SLC4A2: variants seen among roughly 807,000 people sequenced by gnomAD.
SLC4A2 encodes solute carrier family 4 member 2.
Under a neutral mutation model 115.0 loss-of-function variants are expected in SLC4A2, and 36 were observed. That is an observed-to-expected ratio of 0.31 (90% CI 0.24 to 0.41). The LOEUF (loss-of-function observed/expected upper bound fraction) is 0.41, where lower values mean the gene tolerates loss of function less well. Among genes scored for constraint, SLC4A2 ranks in the 10% least tolerant of loss-of-function variants. The probability of loss-of-function intolerance (pLI) is 1.00; values close to 1 mark genes in which losing one functional copy is unlikely to be tolerated. For missense variants in SLC4A2, 1,252 were observed against 1,705.6 expected (o/e 0.73, Z 4.68); for synonymous variants, 708 against 708.3 (o/e 1.00, Z 0.01).
chr7:151,069,895 C>A (rs1420001715), intron 8 of SLC4A2, 52 bp from the exon 9 acceptor site: 2 of 1,610,908 alleles, frequency 1.2e-6, no homozygotes, highest in African/African-American at 1.3e-5. Flanking sequence ...CCATCTCCTG[C>A]CACTGTTTTG....
In SLC4A2 at chr7:151,059,913, G is replaced by A. The variant is rs1250294098; in HGVS notation, c.-64+151G>A. 6.6e-6 allele frequency among the ~76,000 whole-genome samples: 1 copy of A among 152,118 alleles called. No homozygotes were observed. Among genetic ancestry groups the A allele is most frequent in the Non-Finnish European group, 1.5e-5 (1 of 67,994 alleles). On this transcript the variant is annotated intron_variant, in intron 1 of 22. Transcript: ENST00000413384. This position sits in a 1 kb window ranked among gnomAD's most constrained non-coding sequence, Gnocchi z 5.8. Reference sequence around the variant, plus strand: ...GGGCGCGGGGAACCGCGGTCTTGGGGAGAAGGATGGGGAGGCGGATGGAGT... The same window carrying A: ...GGGCGCGGGGAACCGCGGTCTTGGGAAGAAGGATGGGGAGGCGGATGGAGT...
intron 5 of SLC4A2, among the ~76,000 whole-genome samples, chr7:151,065,762 C>G (rs1040043974): frequency 6.6e-6 from 1 of 152,234 alleles, no homozygotes; most frequent in Admixed American, 6.5e-5. Context: ...TCCGAGAAAG[C>G]CTGGCATCAG....
chr7:151,073,986 G>A, intron 16 of SLC4A2, 53 bp from the exon 17 acceptor site: 1 of 1,513,850 alleles, frequency 6.6e-7, no homozygotes, highest in Non-Finnish European at 8.8e-7. Context: ...CTGAGCCCCA[G>A]GAATCTTTTC....
chr7:151,074,222 C>G lies in SLC4A2; in HGVS notation c.2719C>G (p.Leu907Val), dbSNP rs751635753. ...CAACACGGCCCTGCTGTCGCTGGTG[C>G]TCATGGCCGGCACCTTCTTCATCGC... ...QPNTALLSLV[L>V]MAGTFFIAFF... The change falls in exon 17 of 23, where the codon CTC (leucine) becomes GTC (valine). Residue 907 changes from leucine to valine, a missense_variant. Transcript: ENST00000413384. 1 of 1,612,954 alleles carries G rather than the reference C, an allele frequency of 6.2e-7. No homozygotes were observed. Among genetic ancestry groups the G allele is most frequent in the Non-Finnish European group, 8.5e-7 (1 of 1,179,956 alleles).
In SLC4A2 at chr7:151,071,106, G is replaced by A. The variant is rs761077150; in HGVS notation, c.1784G>A (p.Arg595Gln). 6.2e-6 allele frequency: 10 copies of A among 1,612,562 alleles called. No individual in the cohort carries two copies. Among genetic ancestry groups the A allele is most frequent in the East Asian group, 2.2e-5 (1 of 44,900 alleles). ...FHEAAYLADE[R>Q]EDLLTAINAF... Reference sequence around the variant, plus strand: ...GAGGCAGCCTACCTGGCTGACGAGCGGGAGGACCTGCTGACGGCCATCAAC... The same window carrying A: ...GAGGCAGCCTACCTGGCTGACGAGCAGGAGGACCTGCTGACGGCCATCAAC... Residue 595 changes from arginine (R) to glutamine (Q), a missense_variant, in exon 13 of 23, where the codon CGG becomes CAG. Transcript: ENST00000413384. The surrounding 1 kb of genome is among the most constrained non-coding windows in gnomAD (Gnocchi z 5.5).
chr7:151,062,682 CCT>C, intron 2 of SLC4A2: 1 of 1,502,656 alleles, frequency 6.7e-7, no homozygotes, highest in Non-Finnish European at 8.9e-7. Context: ...GGTCTGCGAC[CCT>C]CTCTCCCCAT....
At chr7:151,063,730 T>C (rs1239397801) in intron 2 of SLC4A2, among the ~76,000 whole-genome samples, 1 of 151,988 alleles carries the variant, frequency 6.6e-6, no homozygotes, top group Non-Finnish European at 1.5e-5. Flanking sequence ...TGTTTCCTTT[T>C]TTTTTGTTTT....
At position 151,069,935 on chromosome 7, in the gene SLC4A2, A is replaced by G. The variant is rs754594808; in HGVS notation, c.1148-12A>G. On this transcript the variant is annotated splice_polypyrimidine_tract_variant and intron_variant, in intron 8 of 22. Coordinates refer to ENST00000413384, the MANE Select transcript of SLC4A2 (RefSeq NM_003040.4). ...CTGGGGCTGAGGGGCCCTCTGTGCC[A>G]TCTTATGCTAGGGGCTGTGCTCTTG... 1.9e-6 allele frequency: 3 copies of G among 1,613,608 alleles called. No individual in the cohort carries two copies. The highest frequency in any genetic ancestry group is 2.5e-6 in the Non-Finnish European group (3 of 1,179,978).
intron 2 of SLC4A2, among the ~76,000 whole-genome samples, chr7:151,062,340 G>C (rs1161464240): frequency 6.6e-6 from 1 of 152,204 alleles, no homozygotes; most frequent in Non-Finnish European, 1.5e-5. Flanking sequence ...ACCCGTCTCA[G>C]ACCCGGCTGG....
At chr7:151,069,588 T>C (rs1797358418) in intron 8 of SLC4A2, among the ~76,000 whole-genome samples, 1 of 152,168 alleles carries the variant, frequency 6.6e-6, no homozygotes, top group Admixed American at 6.5e-5. Context: ...GAGAGTTTTC[T>C]AACAGCCAAG....
At position 151,076,412 on chromosome 7, in the gene SLC4A2, G is replaced by A; in HGVS notation, c.*45G>A. On this transcript the variant is annotated 3_prime_UTR_variant, in exon 23 of 23. Coordinates refer to ENST00000413384, the MANE Select transcript of SLC4A2 (RefSeq NM_003040.4). ...GAGGGACCGATGGACGAGGGGACAG[G>A]CTGGTGGGATGGGGTTCCCCCTCCC... The A allele has an allele frequency of 1.4e-6, 2 of 1,421,254 alleles. No homozygotes were observed. The highest frequency in any genetic ancestry group is 1.9e-6 in the Non-Finnish European group (2 of 1,074,554). 88.0% of individuals were successfully genotyped at this position (1,421,254 alleles called of 1,614,324 possible).
In SLC4A2 at chr7:151,066,739, G is replaced by A. The variant is rs572536008; in HGVS notation, c.801G>A (p.Thr267=). The A allele has an allele frequency of 1.8e-4, 282 of 1,560,248 alleles. 2 individuals carry two copies. The South Asian group carries it at 2.3e-3, about 13-fold the overall frequency. Residue 267 remains threonine, a synonymous_variant, in exon 6 of 23, where the codon ACG becomes ACA. Coordinates refer to ENST00000413384, the MANE Select transcript of SLC4A2 (RefSeq NM_003040.4). ...AGATTGAGGCCCAGACGCTGGCCAC[G>A]GCCGACCTAGACCTCATGAAGAGTA... is the stretch of plus-strand genomic sequence containing the variant. ...TDEIEAQTLA[T]ADLDLMKSHR... is the part of the protein sequence containing the mutation.
intron 2 of SLC4A2, chr7:151,062,435 C>T (rs899572618): frequency 3.9e-6 from 4 of 1,017,994 alleles, no homozygotes; most frequent in Non-Finnish European, 5.4e-6. Flanking sequence ...CCCCTGCCCA[C>T]GTGCCACCCA....
Position 151,070,923 on chromosome 7 carries a change from T to C in SLC4A2, c.1749+12T>C. On this transcript the variant is annotated intron_variant, in intron 12 of 22. Coordinates refer to ENST00000413384, the MANE Select transcript of SLC4A2 (RefSeq NM_003040.4). Reference sequence around the variant, plus strand: ...TCATGTCAGACAAGGTCAGCTACCCTCCTCCTCTGGGCCCTGCTTCCTGGA... The same window carrying C: ...TCATGTCAGACAAGGTCAGCTACCCCCCTCCTCTGGGCCCTGCTTCCTGGA... 6.2e-7 allele frequency: 1 copy of C among 1,610,910 alleles called. No homozygotes were observed.
chr7:151,062,050 C>G lies in SLC4A2; in HGVS notation c.51+12C>G. ...ATTCTTTCTGTACGGTGAGTGTGGC[C>G]CCCAGGTCGCCAGCCCAACCTTCCC... On this transcript the variant is annotated intron_variant, in intron 2 of 22. Coordinates refer to ENST00000413384, the MANE Select transcript of SLC4A2 (RefSeq NM_003040.4). The G allele has an allele frequency of 1.1e-5, 18 of 1,607,778 alleles. No homozygotes were observed. The highest frequency in any genetic ancestry group is 1.4e-5 in the Non-Finnish European group (17 of 1,178,452).
Position 151,062,809 on chromosome 7 carries a change from A to C in SLC4A2, c.51+771A>C, listed in dbSNP as rs1052505134. ...AGATGGACAGGAGCCTTCCTCACAG[A>C]GGGGAGAAGCCAGCCCCCTGGCCCG... is the stretch of plus-strand genomic sequence containing the variant. On this transcript the variant is annotated intron_variant, in intron 2 of 22. Coordinates refer to ENST00000413384, the MANE Select transcript of SLC4A2 (RefSeq NM_003040.4). The C allele has an allele frequency of 1.0e-5, 14 of 1,365,338 alleles. No homozygotes were observed. In the African/African-American group the frequency reaches 2.1e-4, roughly 21 times the overall value. The allele number at this position is 1,365,338 out of a possible 1,614,324, so 84.6% of individuals were successfully genotyped here.
Position 151,071,054 on chromosome 7 carries a change from C to T in SLC4A2, c.1750-18C>T, listed in dbSNP as rs1329733191. 1.2e-6 allele frequency: 2 copies of T among 1,611,876 alleles called. No homozygotes were observed. Among genetic ancestry groups the T allele is most frequent in the African/African-American group, 1.3e-5 (1 of 75,036 alleles). ...CCTCTTCTTTGTGCTCTCCCCCATC[C>T]CCATGCTGCTTTGGCAGCAATTCCA... On this transcript the variant is annotated intron_variant, in intron 12 of 22. Transcript: ENST00000413384. The surrounding 1 kb of genome is among the most constrained non-coding windows in gnomAD (Gnocchi z 5.5).
At chr7:151,067,377 C>T (rs914736693) in intron 7 of SLC4A2, among the ~76,000 whole-genome samples, 4 of 152,330 alleles carry the variant, frequency 2.6e-5, no homozygotes, top group Non-Finnish European at 4.4e-5. Flanking sequence ...TGAGCTGCCG[C>T]GCCGGGCCCA....
intron 5 of SLC4A2, among the ~76,000 whole-genome samples, chr7:151,065,295 G>C (rs958155004): frequency 9.2e-5 from 14 of 152,160 alleles, no homozygotes; most frequent in Non-Finnish European, 8.8e-5. Flanking sequence ...CCCTGCCTGT[G>C]GTGTAGTGGG....
Sources: allele counts gnomAD v4.1 joint callset (sites outside exome capture counted in the v4.1 genomes callset), GRCh38; gene constraint gnomAD v4.1.1; non-coding constraint Gnocchi (gnomAD v3.1); transcripts MANE v1.5; gene names NCBI Gene and HGNC (gene_info 2026-07-23, HGNC 2026-07-21).